Variants in CDK14 observed in about 807,000 individuals in gnomAD.
The protein encoded by CDK14 is cyclin-dependent kinase 14.
In CDK14, 34 loss-of-function variants were observed where a neutral mutation model predicts 60.7. The observed-to-expected ratio is 0.56, with a 90% CI of 0.43 to 0.75. CDK14 has a LOEUF of 0.75. CDK14 is among the 30% of genes least tolerant of loss of function. CDK14 has a pLI of 0.00. For missense variants in CDK14, 482 were observed against 564.1 expected (o/e 0.85, Z 1.47); for synonymous variants, 197 against 203.7 (o/e 0.97, Z 0.28).
chr7:90,842,162 A>G (rs1790316240), intron 5 of CDK14, among the ~76,000 whole-genome samples: 1 of 152,184 alleles, frequency 6.6e-6, no homozygotes. Flanking sequence ...TTAGTTTGTT[A>G]TGTACTAGGC....
chr7:90,639,515 G>A (rs1049425542), intron 2 of CDK14, among the ~76,000 whole-genome samples: 3 of 151,982 alleles, frequency 2.0e-5, no homozygotes, highest in African/African-American at 7.3e-5. Context: ...GTACCTGGCC[G>A]TGTGAGGTGT....
chr7:90,967,405 A>G (rs548138058), intron 9 of CDK14, among the ~76,000 whole-genome samples: 14 of 152,260 alleles, frequency 9.2e-5, no homozygotes, highest in Non-Finnish European at 1.8e-4. Flanking sequence ...ATTGACTACT[A>G]AGGGTCTTTG....
intron 6 of CDK14, among the ~76,000 whole-genome samples, chr7:90,884,916 G>C (rs1791891453): frequency 6.6e-6 from 1 of 152,028 alleles, no homozygotes; most frequent in African/African-American, 2.4e-5. Flanking sequence ...CTTCCTTAAT[G>C]CCTTATACAA....
chr7:91,010,237 A>G (rs183970580), intron 10 of CDK14, among the ~76,000 whole-genome samples: 1 of 152,160 alleles, frequency 6.6e-6, no homozygotes, highest in African/African-American at 2.4e-5. Context: ...AAGTTTGGCT[A>G]TTTTAGATCC....
chr7:91,135,130 C>T (rs1421774221), intron 14 of CDK14, among the ~76,000 whole-genome samples: 1 of 151,872 alleles, frequency 6.6e-6, no homozygotes, highest in Non-Finnish European at 1.5e-5. Context: ...TTTATTTTCC[C>T]GTACTTTTCA....
In CDK14 at chr7:90,896,043, T is replaced by C. The variant is rs1792327028; in HGVS notation, c.640-3248T>C. Among the ~76,000 whole-genome samples the C allele has an allele frequency of 5.9e-5, 9 of 152,220 alleles. No homozygotes were observed. The South Asian group carries it at 1.9e-3, about 32-fold the overall frequency. Reference sequence around the variant, plus strand: ...TCTAGTTTTTCTATTTAATGTCTGCTATTAACTGCATTGATCCCTTCTCTC... The same window carrying C: ...TCTAGTTTTTCTATTTAATGTCTGCCATTAACTGCATTGATCCCTTCTCTC... On this transcript the variant is annotated intron_variant, in intron 6 of 14. Transcript: ENST00000380050.
chr7:90,841,659 T>TACACACACATACACACAC (rs1554351202), intron 5 of CDK14, among the ~76,000 whole-genome samples: 1 of 139,296 alleles, frequency 7.2e-6, no homozygotes, highest in Non-Finnish European at 1.5e-5. Context: ...TATATATATG[T>TACACACACATACACACAC]ACACACACAC....
At chr7:90,890,929 C>G (rs1045458852) in intron 6 of CDK14, among the ~76,000 whole-genome samples, 5 of 152,094 alleles carry the variant, frequency 3.3e-5, no homozygotes, top group African/African-American at 7.2e-5. Context: ...TTTCAAAGTT[C>G]AGAACCACCC....
intron 14 of CDK14, among the ~76,000 whole-genome samples, chr7:91,119,114 A>G (rs1799705185): frequency 6.6e-6 from 1 of 152,138 alleles, no homozygotes; most frequent in African/African-American, 2.4e-5. Context: ...ATAGAGAACA[A>G]ATGTTACTGT....
intron 11 of CDK14, among the ~76,000 whole-genome samples, chr7:91,077,082 G>A (rs777420873): frequency 6.6e-6 from 1 of 152,230 alleles, no homozygotes; most frequent in East Asian, 1.9e-4. Context: ...GTGGAAGACA[G>A]TGTGGTGATT....
chr7:90,874,200 C>T (rs1303570145), intron 6 of CDK14, among the ~76,000 whole-genome samples: 8 of 152,074 alleles, frequency 5.3e-5, no homozygotes, highest in Non-Finnish European at 7.3e-5. Flanking sequence ...TTTCTAATAG[C>T]TTCCTGGGAA....
intron 11 of CDK14, among the ~76,000 whole-genome samples, chr7:91,068,331 T>C (rs938844492): frequency 6.6e-6 from 1 of 152,234 alleles, no homozygotes; most frequent in Admixed American, 6.5e-5. Context: ...CACACCTTTA[T>C]TGCATAATGG....
chr7:90,973,887 A>T (rs1299809165), intron 9 of CDK14, among the ~76,000 whole-genome samples: 1 of 152,156 alleles, frequency 6.6e-6, no homozygotes, highest in Non-Finnish European at 1.5e-5. Context: ...CTTGAAAAAC[A>T]TCTTAACAGG....
chr7:91,015,894 T>C (rs1178915395), intron 10 of CDK14, among the ~76,000 whole-genome samples: 1 of 152,170 alleles, frequency 6.6e-6, no homozygotes, highest in Non-Finnish European at 1.5e-5. Flanking sequence ...GATTACTATG[T>C]TTTAATTACA....
At chr7:90,647,881 A>G (rs529671120) in intron 2 of CDK14, among the ~76,000 whole-genome samples, 18 of 152,276 alleles carry the variant, frequency 1.2e-4, no homozygotes, top group South Asian at 1.0e-3. Context: ...AAATAAATAC[A>G]TGACATTTAT....
Position 90,721,259 on chromosome 7 carries a change from T to A in CDK14, c.124-5308T>A, listed in dbSNP as rs1226604348. On this transcript the variant is annotated intron_variant, in intron 2 of 14. Coordinates refer to ENST00000380050, the MANE Select transcript of CDK14 (RefSeq NM_001287135.2). ...GTCCTTGATACAGTTCCTTGGTACT[T>A]TTTTTCTAGCACTTCTTGGCTTACT... 6.6e-5 allele frequency among the ~76,000 whole-genome samples: 10 copies of A among 152,122 alleles called. 1 individual carries two copies. The South Asian group carries it at 8.3e-4, about 13-fold the overall frequency.
chr7:90,963,108 T>TGTGC (rs1554392787), intron 9 of CDK14, among the ~76,000 whole-genome samples: 2 of 151,498 alleles, frequency 1.3e-5, no homozygotes, highest in Non-Finnish European at 2.9e-5. Context: ...TGTGTGTGTG[T>TGTGC]GTGTGTGTGT....
intron 11 of CDK14, among the ~76,000 whole-genome samples, chr7:91,047,776 T>C (rs1400577564): frequency 1.3e-5 from 2 of 152,144 alleles, no homozygotes; most frequent in Non-Finnish European, 2.9e-5. Flanking sequence ...CATAAGTGTT[T>C]CCTGAGTTTG....
chr7:91,091,295 T>C (rs929721888), intron 12 of CDK14, among the ~76,000 whole-genome samples: 8 of 145,238 alleles, frequency 5.5e-5, no homozygotes, highest in African/African-American at 2.0e-4. Flanking sequence ...TGTATATATT[T>C]TTATATATAC....
Sources: allele counts gnomAD v4.1 joint callset (sites outside exome capture counted in the v4.1 genomes callset), GRCh38; gene constraint gnomAD v4.1.1; transcripts MANE v1.5; gene names NCBI Gene and HGNC (gene_info 2026-07-23, HGNC 2026-07-21).